The following RYR2 variants were observed in gnomAD, a reference collection of about 807,000 sequenced individuals.
The protein encoded by RYR2 is cardiac muscle ryanodine receptor-calcium release channel.
Under a neutral mutation model 601.1 loss-of-function variants are expected in RYR2, and 227 were observed. The observed-to-expected ratio is 0.38, with a 90% confidence interval of 0.34 to 0.42. The LOEUF (loss-of-function observed/expected upper bound fraction) is 0.42. Ranked by LOEUF, RYR2 falls within the 10% of genes least tolerant of loss-of-function variation. The pLI, the probability that RYR2 is intolerant of heterozygous loss-of-function variation, is 1.00. For missense variants in RYR2, 4,646 were observed against 6,156.5 expected, an observed-to-expected ratio of 0.75 and a Z score of 8.21; for synonymous variants, 2,223 against 2,175.1, an observed-to-expected ratio of 1.02 and a Z score of -0.61.
intron 1 of RYR2, among the ~76,000 whole-genome samples, chr1:237,079,626 A>G (rs1280116133): frequency 3.1e-5 from 2 of 63,742 alleles, no homozygotes; most frequent in African/African-American, 1.9e-4. Context: ...AGGAAATAAA[A>G]GAGGACACAA....
chr1:237,148,822 C>T (rs1674370818), intron 1 of RYR2, among the ~76,000 whole-genome samples: 1 of 152,012 alleles, frequency 6.6e-6, no homozygotes, highest in Non-Finnish European at 1.5e-5. Flanking sequence ...ACACAGTAGG[C>T]ATTAAATACT....
chr1:237,802,046 GGA>G, intron 98 of RYR2, 130 bp downstream of exon 98: 1 of 502,580 alleles, frequency 2.0e-6, no homozygotes, highest in Middle Eastern at 2.9e-4. Flanking sequence ...GACCAGATCT[GGA>G]GAGAGACCCA....
chr1:237,239,958 A>G (rs1348161377), intron 1 of RYR2, among the ~76,000 whole-genome samples: 4 of 152,212 alleles, frequency 2.6e-5, no homozygotes, highest in African/African-American at 9.6e-5. Flanking sequence ...TGGATAAAAG[A>G]ATATCTTTCC....
At chr1:237,488,663 C>T (rs1489637805) in intron 17 of RYR2, among the ~76,000 whole-genome samples, 1 of 152,056 alleles carries the variant, frequency 6.6e-6, no homozygotes, top group African/African-American at 2.4e-5. Context: ...TGCTCCTGTC[C>T]CACCCTAACT....
chr1:237,599,915 AGGACAGAAATAAAT>A (rs1559092159), intron 34 of RYR2, among the ~76,000 whole-genome samples: 1 of 152,052 alleles, frequency 6.6e-6, no homozygotes, highest in Non-Finnish European at 1.5e-5. Context: ...TAAATTTAAG[AGGACAGAAATAAAT>A]GGAAAGATAT....
chr1:237,502,941 C>T (rs147432471), intron 21 of RYR2, among the ~76,000 whole-genome samples: 2,044 of 152,046 alleles, frequency 0.013, 23 homozygotes, highest in Non-Finnish European at 0.018. Context: ...CTTTATCTTT[C>T]GGTACTTTGG....
intron 1 of RYR2, among the ~76,000 whole-genome samples, chr1:237,052,747 A>G (rs1661444865): frequency 6.6e-6 from 1 of 151,990 alleles, no homozygotes; most frequent in Non-Finnish European, 1.5e-5. Flanking sequence ...ATATTGAAGG[A>G]TGATTAAGAC....
At chr1:237,184,874 A>C (rs959041044) in intron 1 of RYR2, among the ~76,000 whole-genome samples, 15 of 139,376 alleles carry the variant, frequency 1.1e-4, no homozygotes, top group Non-Finnish European at 3.0e-5. Context: ...CTTTGTGAAG[A>C]GGGTTTTTTT....
At chr1:237,648,640 C>A in intron 49 of RYR2, 27 bp downstream of exon 49, 1 of 1,593,522 alleles carries the variant, frequency 6.3e-7, no homozygotes, top group East Asian at 2.2e-5. Context: ...GGACTTCCTC[C>A]TCTCTTGACT....
intron 1 of RYR2, among the ~76,000 whole-genome samples, chr1:237,128,549 C>G (rs1052280825): frequency 2.0e-5 from 3 of 152,154 alleles, no homozygotes; most frequent in Admixed American, 6.5e-5. Context: ...GGTGGCAGTG[C>G]AGATTGTGTA....
At chr1:237,408,173 G>A (rs550059339) in intron 10 of RYR2, among the ~76,000 whole-genome samples, 1 of 151,946 alleles carries the variant, frequency 6.6e-6, no homozygotes, top group South Asian at 2.1e-4. Flanking sequence ...GTATTTTCCA[G>A]CAGTTTTATA....
intron 61 of RYR2, among the ~76,000 whole-genome samples, chr1:237,678,565 G>A (rs1359840881): frequency 6.6e-6 from 1 of 152,136 alleles, no homozygotes; most frequent in Admixed American, 6.5e-5. Flanking sequence ...GAAGATCAGA[G>A]AGGATAAATT....
intron 101 of RYR2, among the ~76,000 whole-genome samples, chr1:237,820,370 G>C (rs2102842247): frequency 6.6e-6 from 1 of 152,238 alleles, no homozygotes; most frequent in Non-Finnish European, 1.5e-5. Context: ...AGCCCACAGA[G>C]GGTGAGCAGA....
Position 237,633,529 on chromosome 1 carries a change from T to C in RYR2, c.6556-49T>C, listed in dbSNP as rs763806297. On this transcript the variant is annotated intron_variant, in intron 42 of 104. Coordinates refer to ENST00000366574, the MANE Select transcript of RYR2 (RefSeq NM_001035.3). ...GAGACCTCAACGTATGAACTCAATT[T>C]TATAAAGGTCGTTTGCTTTCAGCAG... 4 of 1,610,860 alleles carry C rather than the reference T, an allele frequency of 2.5e-6. No individual in the cohort carries two copies. In the Admixed American group the frequency reaches 6.7e-5, roughly 27 times the overall value.
intron 1 of RYR2, among the ~76,000 whole-genome samples, chr1:237,100,055 C>A (rs1283148290): frequency 6.6e-6 from 1 of 152,174 alleles, no homozygotes; most frequent in Non-Finnish European, 1.5e-5. Flanking sequence ...GACCCTCCTG[C>A]CTGCCCTTGT....
At chr1:237,572,059 A>G (rs1672755059) in intron 29 of RYR2, among the ~76,000 whole-genome samples, 1 of 152,132 alleles carries the variant, frequency 6.6e-6, no homozygotes. Context: ...TTTTCTAACT[A>G]TTTTTATACC....
At chr1:237,809,118 C>A in intron 100 of RYR2, 83 bp downstream of exon 100, 1 of 1,255,554 alleles carries the variant, frequency 8.0e-7, no homozygotes, top group Non-Finnish European at 1.1e-6. Flanking sequence ...TATTCTCTAA[C>A]AGTACAAAAT....
At chr1:237,196,629 C>T (rs1041075318) in intron 1 of RYR2, among the ~76,000 whole-genome samples, 1 of 152,102 alleles carries the variant, frequency 6.6e-6, no homozygotes, top group Non-Finnish European at 1.5e-5. Flanking sequence ...TTATGGATCT[C>T]ATTTGATCTT....
chr1:237,718,360 T>G (rs992796636), intron 72 of RYR2, 102 bp from the exon 73 acceptor site: 3 of 544,804 alleles, frequency 5.5e-6, no homozygotes, highest in Non-Finnish European at 9.8e-6. Flanking sequence ...AAGATGTTTC[T>G]CAGACGTATA....
Sources: allele counts gnomAD v4.1 joint callset (sites outside exome capture counted in the v4.1 genomes callset), GRCh38; gene constraint gnomAD v4.1.1; transcripts MANE v1.5; gene names NCBI Gene and HGNC (gene_info 2026-07-23, HGNC 2026-07-21).